PARD3: variants seen among roughly 807,000 people sequenced by gnomAD.
PARD3 encodes the protein partitioning defective 3 homolog.
In PARD3, 75 loss-of-function variants were observed where a neutral mutation model predicts 155.4. The observed-to-expected ratio is 0.48, with a 90% CI of 0.40 to 0.58. PARD3 has a LOEUF of 0.58. PARD3 is among the 20% of genes least tolerant of loss of function. The pLI is 0.00. For missense variants in PARD3, 1,642 were observed against 1,721.7 expected, an observed-to-expected ratio of 0.95 and a Z score of 0.82; for synonymous variants, 576 against 610.5, an observed-to-expected ratio of 0.94 and a Z score of 0.83.
intron 2 of PARD3, among the ~76,000 whole-genome samples, chr10:34,601,779 T>C (rs913731026): frequency 6.6e-6 from 1 of 152,176 alleles, no homozygotes; most frequent in East Asian, 1.9e-4. Context: ...GATAAAGAAA[T>C]ACAACTTATT....
chr10:34,714,067 C>T (rs2094484635), intron 1 of PARD3, among the ~76,000 whole-genome samples: 2 of 152,152 alleles, frequency 1.3e-5, no homozygotes, highest in South Asian at 4.1e-4. Flanking sequence ...GAGATGTTGA[C>T]TCAGACCAAA....
At chr10:34,213,738 C>G (rs543861738) in intron 22 of PARD3, among the ~76,000 whole-genome samples, 1 of 152,260 alleles carries the variant, frequency 6.6e-6, no homozygotes, top group East Asian at 1.9e-4. Context: ...AAAACCACTG[C>G]CTGGCAGCAG....
intron 16 of PARD3, among the ~76,000 whole-genome samples, chr10:34,341,319 T>G (rs17472227): frequency 0.074 from 11,252 of 152,134 alleles, 571 homozygotes; most frequent in Non-Finnish European, 0.1. Flanking sequence ...TAAAAAACAA[T>G]GCATCAAATT....
chr10:34,231,678 C>T (rs72786230), intron 22 of PARD3, among the ~76,000 whole-genome samples: 20,276 of 151,778 alleles, frequency 0.13, 1,845 homozygotes, highest in Middle Eastern at 0.22. Flanking sequence ...TGCTTGTTAA[C>T]GCCCTGACCT....
At chr10:34,245,458 C>A (rs1953883777) in intron 22 of PARD3, among the ~76,000 whole-genome samples, 1 of 126,260 alleles carries the variant, frequency 7.9e-6, no homozygotes, top group Admixed American at 8.2e-5. Context: ...GTGAGGCCAC[C>A]CTGACTAGAA....
intron 1 of PARD3, among the ~76,000 whole-genome samples, chr10:34,754,601 T>C (rs140362115): frequency 4.1e-4 from 62 of 152,352 alleles, no homozygotes; most frequent in African/African-American, 1.4e-3. Context: ...ATAGATACAA[T>C]TGTTAAAAGC....
intron 12 of PARD3, among the ~76,000 whole-genome samples, chr10:34,364,063 C>T (rs1210620627): frequency 6.6e-6 from 1 of 152,134 alleles, no homozygotes; most frequent in Non-Finnish European, 1.5e-5. Context: ...TTCCCGAAAT[C>T]ACAGTCCAAA....
intron 3 of PARD3, 64 bp from the exon 4 acceptor site, chr10:34,470,327 A>ATTTCCCTAC: frequency 8.2e-7 from 1 of 1,215,588 alleles, no homozygotes; most frequent in Non-Finnish European, 1.1e-6. Flanking sequence ...ACATGTTAGG[A>ATTTCCCTAC]GAACGTAGGG....
At chr10:34,606,965 T>TTA (rs1554785275) in intron 2 of PARD3, among the ~76,000 whole-genome samples, 6 of 114,834 alleles carry the variant, frequency 5.2e-5, no homozygotes, top group Non-Finnish European at 1.0e-4. Flanking sequence ...GACTCTGTCT[T>TTA]AAAAAAAAAA....
intron 1 of PARD3, among the ~76,000 whole-genome samples, chr10:34,731,361 AT>A (rs1447630092): frequency 6.6e-6 from 1 of 152,190 alleles, no homozygotes; most frequent in Non-Finnish European, 1.5e-5. Flanking sequence ...TTCAAGTCTT[AT>A]TAGTCTTTAC....
intron 22 of PARD3, among the ~76,000 whole-genome samples, chr10:34,149,560 TATA>T (rs1416295379): frequency 6.6e-6 from 1 of 152,174 alleles, no homozygotes; most frequent in Non-Finnish European, 1.5e-5. Context: ...ATTTTTCTTC[TATA>T]ATGTATATAG....
At chr10:34,737,466 C>G (rs533527288) in intron 1 of PARD3, among the ~76,000 whole-genome samples, 62 of 152,328 alleles carry the variant, frequency 4.1e-4, no homozygotes, top group East Asian at 1.4e-3. Context: ...GATTTTACCA[C>G]AGAGGTGAAA....
chr10:34,689,061 C>T (rs570863077), intron 2 of PARD3, among the ~76,000 whole-genome samples: 4 of 152,260 alleles, frequency 2.6e-5, no homozygotes, highest in Admixed American at 1.3e-4. Flanking sequence ...CAGGTATCTA[C>T]GTTTTCAACA....
Position 34,248,375 on chromosome 10 carries a change from G to A in PARD3, c.3419+21282C>T, listed in dbSNP as rs185185032. Among the ~76,000 whole-genome samples, 564 of 152,322 alleles carry A rather than the reference G, an allele frequency of 3.7e-3. 2 individuals carry two copies. Among genetic ancestry groups the A allele is most frequent in the South Asian group, 0.021 (103 of 4,828 alleles). ...TAAGTCCGTCTGTTATCTCCCAAAAGACTGGAAGAACATTACTATCAGAAA... is the reference window on the plus strand; with the variant it reads ...TAAGTCCGTCTGTTATCTCCCAAAAAACTGGAAGAACATTACTATCAGAAA... On this transcript the variant is annotated intron_variant, in intron 22 of 24. Transcript: ENST00000374788.
chr10:34,213,105 A>G (rs1951832798), intron 22 of PARD3, among the ~76,000 whole-genome samples: 1 of 152,186 alleles, frequency 6.6e-6, no homozygotes, highest in Non-Finnish European at 1.5e-5. Flanking sequence ...ATTTACAAAG[A>G]AAAGAGTTTT....
At chr10:34,122,425 A>G (rs1020520714) in intron 23 of PARD3, among the ~76,000 whole-genome samples, 2 of 152,218 alleles carry the variant, frequency 1.3e-5, no homozygotes, top group African/African-American at 4.8e-5. Context: ...ACAAGTATCT[A>G]GTTGGATCTG....
At chr10:34,571,998 A>G (rs538185479) in intron 2 of PARD3, among the ~76,000 whole-genome samples, 36 of 152,344 alleles carry the variant, frequency 2.4e-4, no homozygotes, top group Middle Eastern at 3.4e-3. Flanking sequence ...TTACCCAAGC[A>G]ACTAGAATTT....
chr10:34,254,734 TG>T (rs1486989936), intron 22 of PARD3, among the ~76,000 whole-genome samples: 6 of 152,154 alleles, frequency 3.9e-5, no homozygotes, highest in African/African-American at 2.4e-5. Flanking sequence ...TGGTCTGCTA[TG>T]TGATACCAGG....
intron 14 of PARD3, among the ~76,000 whole-genome samples, chr10:34,353,272 G>T (rs1267013335): frequency 6.6e-6 from 1 of 152,238 alleles, no homozygotes; most frequent in African/African-American, 2.4e-5. Flanking sequence ...TTGTCGAGTA[G>T]AAAAGGGGGA....
Sources: gnomAD v4.1 joint callset for allele counts (sites outside exome capture counted in the v4.1 genomes callset) on GRCh38, gnomAD v4.1.1 for gene constraint, MANE v1.5 for transcripts, NCBI Gene and HGNC (gene_info 2026-07-23, HGNC 2026-07-21) for gene names.